TOP1MT: variants seen among roughly 807,000 people sequenced by gnomAD.
TOP1MT encodes the protein DNA topoisomerase I, mitochondrial.
Under a neutral mutation model 73.9 loss-of-function variants are expected in TOP1MT, and 80 were observed. The observed-to-expected ratio is 1.08, with a 90% CI of 0.90 to 1.30. The LOEUF (loss-of-function observed/expected upper bound fraction) is 1.30. Ranked by LOEUF, TOP1MT falls within the 50% of genes most tolerant of loss-of-function variation. The pLI is 0.00. For missense variants in TOP1MT, 815 were observed against 808.0 expected (o/e 1.01, Z -0.10); for synonymous variants, 338 against 326.4 (o/e 1.04, Z -0.38).
upstream of TOP1MT, among the ~76,000 whole-genome samples, chr8:143,358,882 T>G (rs1325128809): frequency 6.6e-6 from 1 of 152,222 alleles, no homozygotes; most frequent in Non-Finnish European, 1.5e-5. Flanking sequence ...CTGACCCCAT[T>G]ACTACGCAAC....
At chr8:143,337,127 T>C (rs1244000545), upstream of TOP1MT, among the ~76,000 whole-genome samples, 3 of 152,160 alleles carry the variant, frequency 2.0e-5, no homozygotes, top group East Asian at 3.8e-4. Flanking sequence ...GATGATTTCA[T>C]ATGGTTAAGA....
intron 2 of TOP1MT, chr8:143,343,061 T>A: frequency 4.9e-6 from 2 of 411,760 alleles, no homozygotes; most frequent in Admixed American, 5.2e-5. Flanking sequence ...ACGCCTGGCC[T>A]GCTAACTTAT....
At chr8:143,348,610 G>A (rs1009414959), upstream of TOP1MT, among the ~76,000 whole-genome samples, 1 of 152,146 alleles carries the variant, frequency 6.6e-6, no homozygotes, top group Non-Finnish European at 1.5e-5. The surrounding 1 kb of genome is among the most constrained non-coding windows in gnomAD (Gnocchi z 4.6). Context: ...GGGGGGTGGG[G>A]GGGGGTGGGG....
intron 1 of TOP1MT, among the ~76,000 whole-genome samples, chr8:143,333,189 G>A (rs1021396033): frequency 4.6e-5 from 7 of 152,190 alleles, no homozygotes; most frequent in African/African-American, 1.7e-4. Context: ...ACTCACGCCT[G>A]TAATACCAGC....
upstream of TOP1MT, among the ~76,000 whole-genome samples, chr8:143,337,825 G>A (rs1482284214): frequency 6.6e-6 from 1 of 152,240 alleles, no homozygotes; most frequent in African/African-American, 2.4e-5. Flanking sequence ...AGGCCTGGTA[G>A]TTAAAGATCG....
chr8:143,340,429 C>T (rs1325406827), intron 2 of TOP1MT, among the ~76,000 whole-genome samples: 1 of 152,094 alleles, frequency 6.6e-6, no homozygotes. Flanking sequence ...GGCCTTCTCC[C>T]ACCCTTTCTG....
chr8:143,324,402 G>T, intron 6 of TOP1MT, 83 bp downstream of exon 6: 1 of 1,590,292 alleles, frequency 6.3e-7, no homozygotes, highest in South Asian at 1.1e-5. Flanking sequence ...AGCCTCTGCC[G>T]GTGCCCGGCT....
chr8:143,355,050 G>A (rs1298431011), intron 1 of TOP1MT, among the ~76,000 whole-genome samples: 2 of 152,224 alleles, frequency 1.3e-5, no homozygotes, highest in Non-Finnish European at 2.9e-5. Flanking sequence ...CCTGGGAGGT[G>A]TGGCCCGTGC....
At chr8:143,313,524 TG>T (rs1166411560) in intron 12 of TOP1MT, among the ~76,000 whole-genome samples, 1 of 127,670 alleles carries the variant, frequency 7.8e-6, no homozygotes, top group African/African-American at 3.0e-5. Context: ...CACTCTAGCC[TG>T]GGTGACAGAG....
intron 1 of TOP1MT, chr8:143,350,413 C>A (rs1817300941): frequency 6.6e-6 from 1 of 152,242 alleles, no homozygotes; most frequent in African/African-American, 2.4e-5. Context: ...CTCACTGCAA[C>A]CTCCATCTCC....
chr8:143,346,493 AG>A (rs1289200385), upstream of TOP1MT, among the ~76,000 whole-genome samples: 1 of 152,196 alleles, frequency 6.6e-6, no homozygotes, highest in Non-Finnish European at 1.5e-5. Flanking sequence ...AGAATAAGAA[AG>A]GGGGCTGTGC....
At chr8:143,327,673 GAA>G in intron 3 of TOP1MT, 1 of 360,888 alleles carries the variant, frequency 2.8e-6, no homozygotes, top group Non-Finnish European at 5.5e-6. Flanking sequence ...CTAGTGACTG[GAA>G]GAAGTGCTGA....
chr8:143,326,200 A>G, intron 4 of TOP1MT, 22 bp downstream of exon 4: 1 of 1,613,034 alleles, frequency 6.2e-7, no homozygotes, highest in Non-Finnish European at 8.5e-7. Flanking sequence ...TTCAGGTCAC[A>G]CAACGCTCGA....
intron 2 of TOP1MT, among the ~76,000 whole-genome samples, chr8:143,340,308 G>A (rs1260037969): frequency 7.2e-6 from 1 of 139,288 alleles, no homozygotes; most frequent in Non-Finnish European, 1.5e-5. Context: ...GGTCTGCACA[G>A]CATTCCCCCC....
At position 143,324,149 on chromosome 8, in the gene TOP1MT, G is replaced by A. The variant is rs376848972; in HGVS notation, c.817-7C>T. On this transcript the variant is annotated splice_region_variant and splice_polypyrimidine_tract_variant and intron_variant, in intron 6 of 13. Coordinates refer to ENST00000329245, the MANE Select transcript of TOP1MT (RefSeq NM_052963.3). ...TCTGCCAAGCTGTCTCCCCCTAAAC[G>A]AAGAAAATAACAGGAAAGAAAACAT... 465 of 1,612,032 alleles carry A rather than the reference G, an allele frequency of 2.9e-4. No homozygotes were observed. The highest frequency in any genetic ancestry group is 4.9e-4 in the Middle Eastern group (3 of 6,074).
chr8:143,328,043 A>G (rs1257601878), intron 3 of TOP1MT: 1 of 336,338 alleles, frequency 3.0e-6, no homozygotes, highest in Admixed American at 4.5e-5. Flanking sequence ...GTGACAAAAC[A>G]TGAAACGTGG....
intron 13 of TOP1MT, chr8:143,309,744 C>A: frequency 1.3e-6 from 2 of 1,533,062 alleles, no homozygotes; most frequent in Middle Eastern, 1.8e-4. Flanking sequence ...CAAAGACAAC[C>A]TGCTGTGGCC....
chr8:143,322,821 G>GCACGTCACA (rs1401129356), intron 7 of TOP1MT, among the ~76,000 whole-genome samples: 1 of 29,150 alleles, frequency 3.4e-5, no homozygotes, highest in East Asian at 2.9e-3. Flanking sequence ...CCACACACAG[G>GCACGTCACA]CACGCCACAC....
chr8:143,316,000 T>C lies in TOP1MT; in HGVS notation c.1457A>G (p.Lys486Arg). 2 of 1,614,172 alleles carry C rather than the reference T, an allele frequency of 1.2e-6. No homozygotes were observed. Among genetic ancestry groups the C allele is most frequent in the South Asian group, 1.1e-5 (1 of 91,092 alleles). Residue 486 changes from lysine (K) to arginine (R), a missense_variant and splice_region_variant, in exon 11 of 14, where the codon AAG (lysine) becomes AGG (arginine). Physicochemically the swap from Lys to Arg is conservative, Grantham distance 26. This residue lies in a region of TOP1MT where 751 missense variants were observed against 725.4 expected (regional missense o/e 1.04). Transcript: ENST00000329245. ...GGGGGCTCTCCTGGGAGCTGCTACC[T>C]TCGTCTGGAGATTCTGCATCGACTT... is the stretch of plus-strand genomic sequence containing the variant. Reference protein sequence around the residue: ...FEKSMQNLQTKIQAKKEQVAE... With the variant: ...FEKSMQNLQTRIQAKKEQVAE...
Sources: gnomAD v4.1 joint callset for allele counts (sites outside exome capture counted in the v4.1 genomes callset) on GRCh38, gnomAD v4.1.1 for gene constraint, gnomAD v4.1.1 regional missense constraint, Gnocchi (gnomAD v3.1) non-coding constraint, MANE v1.5 for transcripts, NCBI Gene and HGNC (gene_info 2026-07-23, HGNC 2026-07-21) for gene names.